Variants in OPCML observed in about 807,000 individuals in gnomAD.
The protein encoded by OPCML is opioid-binding protein/cell adhesion molecule.
A neutral mutation model predicts 37.8 loss-of-function variants in OPCML; 13 were observed. The ratio of observed to expected loss-of-function variants is 0.34; its 90% CI spans 0.22 to 0.55. The LOEUF (loss-of-function observed/expected upper bound fraction) is 0.55. Ranked by LOEUF, OPCML falls within the 20% of genes least tolerant of loss-of-function variation. The probability of loss-of-function intolerance (pLI) is 0.91; values close to 1 mark genes in which losing one functional copy is unlikely to be tolerated. For synonymous variants in OPCML, 176 were observed against 168.8 expected, an observed-to-expected ratio of 1.04 and a Z score of -0.33; for missense variants, 341 against 435.6, an observed-to-expected ratio of 0.78 and a Z score of 1.93.
intron 2 of OPCML, among the ~76,000 whole-genome samples, chr11:132,877,670 T>G (rs1943070325): frequency 6.6e-6 from 1 of 152,182 alleles, no homozygotes; most frequent in African/African-American, 2.4e-5. Flanking sequence ...ATGTGGCCAC[T>G]TTCTTCATTA....
chr11:133,356,440 G>A (rs937181016), intron 1 of OPCML, among the ~76,000 whole-genome samples: 2 of 152,110 alleles, frequency 1.3e-5, no homozygotes, highest in Non-Finnish European at 2.9e-5. Flanking sequence ...CTCCACAATC[G>A]GGGTTAGACC....
intron 1 of OPCML, among the ~76,000 whole-genome samples, chr11:133,153,184 G>T (rs529131422): frequency 2.0e-5 from 3 of 152,282 alleles, no homozygotes; most frequent in Middle Eastern, 3.4e-3. Flanking sequence ...CTGGAGCTGT[G>T]GGAGAGACGG....
chr11:132,836,451 A>G (rs4937730), intron 2 of OPCML, among the ~76,000 whole-genome samples: 131,575 of 151,994 alleles, frequency 0.87, 57,877 homozygotes, highest in Middle Eastern at 0.96. Context: ...TGAAGTTCAA[A>G]ATGTATATGA....
At chr11:132,500,503 C>T (rs1449890009) in intron 4 of OPCML, among the ~76,000 whole-genome samples, 2 of 152,122 alleles carry the variant, frequency 1.3e-5, no homozygotes, top group African/African-American at 2.4e-5. Context: ...CCATATGGTC[C>T]TTTGTCTTGT....
intron 3 of OPCML, among the ~76,000 whole-genome samples, chr11:132,625,959 G>C (rs553455081): frequency 2.1e-4 from 32 of 152,064 alleles, no homozygotes; most frequent in African/African-American, 7.5e-4. Flanking sequence ...TGTAGCACTT[G>C]TTATATTGTT....
At chr11:132,704,604 A>G (rs2135932402) in intron 2 of OPCML, among the ~76,000 whole-genome samples, 1 of 152,364 alleles carries the variant, frequency 6.6e-6, no homozygotes, top group African/African-American at 2.4e-5. Context: ...CTCAGCAAGA[A>G]AAAAGAAATT....
chr11:132,764,962 T>C (rs1402325351), intron 2 of OPCML, among the ~76,000 whole-genome samples: 1 of 152,250 alleles, frequency 6.6e-6, no homozygotes, highest in Admixed American at 6.5e-5. Flanking sequence ...CGCCTGCCTC[T>C]GACACTGTCC....
At chr11:132,491,080 ACT>A (rs2096214214) in intron 4 of OPCML, among the ~76,000 whole-genome samples, 1 of 151,832 alleles carries the variant, frequency 6.6e-6, no homozygotes, top group Non-Finnish European at 1.5e-5. Context: ...TCCAGCTGCA[ACT>A]CTTTCTCACC....
At chr11:132,559,379 G>A (rs1292016198) in intron 3 of OPCML, among the ~76,000 whole-genome samples, 1 of 152,184 alleles carries the variant, frequency 6.6e-6, no homozygotes, top group Non-Finnish European at 1.5e-5. Flanking sequence ...GAGGGAGATG[G>A]AAAAGTTTTC....
At chr11:133,502,183 A>G (rs1214846682) in intron 1 of OPCML, among the ~76,000 whole-genome samples, 3 of 152,140 alleles carry the variant, frequency 2.0e-5, no homozygotes, top group Non-Finnish European at 4.4e-5. Context: ...GCCCTGTCTC[A>G]ACAGCTGACT....
intron 1 of OPCML, among the ~76,000 whole-genome samples, chr11:133,049,745 C>T (rs1210987716): frequency 1.3e-5 from 2 of 152,316 alleles, no homozygotes; most frequent in East Asian, 3.9e-4. Context: ...GGTTTCACTC[C>T]CGTGCTGTGC....
At position 133,208,510 on chromosome 11, in the gene OPCML, A is replaced by T. The variant is rs61912360; in HGVS notation, c.62-265500T>A. Among the ~76,000 whole-genome samples the T allele has an allele frequency of 0.074, 11,310 of 152,298 alleles. 473 individuals are homozygous for T. Among genetic ancestry groups the T allele is most frequent in the Middle Eastern group, 0.12 (35 of 292 alleles). ...TAGATTTGGATAATAAAGTGCAATGAAGTATGTCAGTAGGGCATCGTAAAT... is the reference window on the plus strand; with the variant it reads ...TAGATTTGGATAATAAAGTGCAATGTAGTATGTCAGTAGGGCATCGTAAAT... On this transcript the variant is annotated intron_variant, in intron 1 of 7. Transcript: ENST00000524381. This position sits in a 1 kb window ranked among gnomAD's most constrained non-coding sequence, Gnocchi z 8.9.
intron 1 of OPCML, among the ~76,000 whole-genome samples, chr11:133,477,558 G>GTT (rs895466373): frequency 2.0e-5 from 3 of 151,906 alleles, no homozygotes; most frequent in Admixed American, 1.3e-4. Context: ...TTTGATGCGG[G>GTT]TTTTTTTTCT....
In OPCML at chr11:132,546,869, C is replaced by T. The variant is rs148617702; in HGVS notation, c.380-17683G>A. Among the ~76,000 whole-genome samples, 53 of 152,272 alleles carry T rather than the reference C, an allele frequency of 3.5e-4. No homozygotes were observed. In the South Asian group the frequency reaches 7.7e-3, roughly 22 times the overall value. On this transcript the variant is annotated intron_variant, in intron 3 of 7. Coordinates refer to ENST00000524381, the MANE Select transcript of OPCML (RefSeq NM_001012393.5). Reference sequence around the variant, plus strand: ...TCATACACTGCACATTGCATATTTCCGCAGGTGCTCTCTGCTGCCTCACAG... The same window carrying T: ...TCATACACTGCACATTGCATATTTCTGCAGGTGCTCTCTGCTGCCTCACAG...
At chr11:133,340,210 T>C (rs996906742) in intron 1 of OPCML, among the ~76,000 whole-genome samples, 1 of 152,192 alleles carries the variant, frequency 6.6e-6, no homozygotes, top group African/African-American at 2.4e-5. Flanking sequence ...TCTCTGAGTG[T>C]ACAAGAAATA....
chr11:133,000,746 G>T (rs960061864), intron 1 of OPCML, among the ~76,000 whole-genome samples: 23 of 152,178 alleles, frequency 1.5e-4, no homozygotes, highest in Non-Finnish European at 3.4e-4. Context: ...ATGCTAGATT[G>T]GCTTAATATG....
At chr11:133,162,205 G>A (rs1309173703) in intron 1 of OPCML, among the ~76,000 whole-genome samples, 2 of 152,074 alleles carry the variant, frequency 1.3e-5, no homozygotes, top group East Asian at 1.9e-4. Context: ...AGAAAGAGAG[G>A]GAGAGAAAGA....
intron 1 of OPCML, among the ~76,000 whole-genome samples, chr11:133,030,399 G>C (rs1227524955): frequency 3.9e-5 from 6 of 152,226 alleles, no homozygotes; most frequent in South Asian, 2.1e-4. Flanking sequence ...ACCCTGAAAG[G>C]TCTGTGCTCA....
intron 1 of OPCML, among the ~76,000 whole-genome samples, chr11:133,316,132 G>T (rs1463082035): frequency 6.6e-6 from 1 of 152,152 alleles, no homozygotes; most frequent in Non-Finnish European, 1.5e-5. Flanking sequence ...TATCTGGAGA[G>T]GAGCATTCCA....
Sources: allele counts gnomAD v4.1 joint callset (sites outside exome capture counted in the v4.1 genomes callset), GRCh38; gene constraint gnomAD v4.1.1; non-coding constraint Gnocchi (gnomAD v3.1); transcripts MANE v1.5; gene names NCBI Gene and HGNC (gene_info 2026-07-23, HGNC 2026-07-21).